ASPM: variants seen among roughly 807,000 people sequenced by gnomAD.
The protein encoded by ASPM is assembly factor for spindle microtubules.
A neutral mutation model predicts 366.4 loss-of-function variants in ASPM; 256 were observed. The ratio of observed to expected loss-of-function variants is 0.70; its 90% confidence interval spans 0.63 to 0.77. ASPM has a LOEUF of 0.77. Ranked by LOEUF, ASPM falls within the 30% of genes least tolerant of loss-of-function variation. The pLI is 0.00. For missense variants in ASPM, 4,146 were observed against 4,090.4 expected (o/e 1.01, Z -0.37); for synonymous variants, 1,414 against 1,342.9 (o/e 1.05, Z -1.16).
At chr1:197,085,648 C>T (rs1453447443) in intron 27 of ASPM, among the ~76,000 whole-genome samples, 2 of 152,020 alleles carry the variant, frequency 1.3e-5, no homozygotes, top group African/African-American at 4.8e-5. Context: ...AATCCAGTCA[C>T]AAAAAGCTAT....
Position 197,103,964 on chromosome 1 carries a change from T to G in ASPM, c.5287A>C (p.Arg1763=). The part of the protein sequence containing the change: ...KAVISLQSYF[R]MRKARQYYLK... ...TAATACTGCCGAGCCTTTCTCATTC[T>G]GAAATAAGACTGTAGTGAAATAACA... Residue 1763 remains arginine, a synonymous_variant, in exon 18 of 28, where the codon AGA becomes CGA. Coordinates refer to ENST00000367409, the MANE Select transcript of ASPM (RefSeq NM_018136.5). The G allele has an allele frequency of 6.2e-7, 1 of 1,612,468 alleles. No homozygotes were observed. The highest frequency in any genetic ancestry group is 1.3e-5 in the African/African-American group (1 of 74,928).
Position 197,132,319 on chromosome 1 carries a change from G to A in ASPM, c.2453C>T (p.Ser818Phe). Residue 818 changes from serine (S) to phenylalanine (F), a missense_variant, in exon 7 of 28, where the codon TCC becomes TTC. Physicochemically the swap from Ser to Phe is radical, Grantham distance 155 (BLOSUM62 -2). This residue lies in a region of ASPM where 3,624 missense variants were observed against 3,591.7 expected (regional missense o/e 1.01). Transcript: ENST00000367409. ...AATTCGAAGCCACAAAGGATTGTAGGACAACAGCCAATTCAGGACTTTCTG... is the reference window on the plus strand; with the variant it reads ...AATTCGAAGCCACAAAGGATTGTAGAACAACAGCCAATTCAGGACTTTCTG... ...ERQKVLNWLL[S>F]YNPLWLRIGL... 6.2e-7 allele frequency: 1 copy of A among 1,613,246 alleles called. No individual in the cohort carries two copies. The highest frequency in any genetic ancestry group is 8.5e-7 in the Non-Finnish European group (1 of 1,179,522).
Position 197,132,363 on chromosome 1 carries a change from T to G in ASPM, c.2420-11A>C. 6.2e-7 allele frequency: 1 copy of G among 1,611,972 alleles called. No individual in the cohort carries two copies. On this transcript the variant is annotated splice_polypyrimidine_tract_variant and intron_variant, in intron 6 of 27. Coordinates refer to ENST00000367409, the MANE Select transcript of ASPM (RefSeq NM_018136.5). Reference sequence around the variant, plus strand: ...CTTTCTGACGTTCTCCTGAAATGCATGTCAAAGGCAAATAAGTTCAAATTG... The same window carrying G: ...CTTTCTGACGTTCTCCTGAAATGCAGGTCAAAGGCAAATAAGTTCAAATTG...
At chr1:197,134,348 G>A (rs1186989643) in intron 5 of ASPM, among the ~76,000 whole-genome samples, 2 of 152,072 alleles carry the variant, frequency 1.3e-5, no homozygotes, top group Admixed American at 6.6e-5. Flanking sequence ...GGAAGTGGAG[G>A]CTGCAGTGAC....
chr1:197,134,704 C>A (rs1658365490), intron 5 of ASPM, among the ~76,000 whole-genome samples: 1 of 152,120 alleles, frequency 6.6e-6, no homozygotes. Context: ...TTCTCTTTTC[C>A]AGAACAAACA....
chr1:197,135,015 TA>T, intron 5 of ASPM, 80 bp downstream of exon 5: 2 of 1,001,224 alleles, frequency 2.0e-6, no homozygotes, highest in South Asian at 3.0e-5. Flanking sequence ...TAACTATGTA[TA>T]ATTAAAGAAT....
chr1:197,129,563 G>A (rs1475682364), intron 8 of ASPM, among the ~76,000 whole-genome samples: 1 of 152,108 alleles, frequency 6.6e-6, no homozygotes, highest in East Asian at 1.9e-4. Flanking sequence ...AACAGGCACA[G>A]AGGCATCAAG....
rs1168014338 is a variant in ASPM at position 197,128,601 on chromosome 1, C to CG, written c.2824dup (p.Arg942ProfsTer11). 6.2e-7 allele frequency: 1 copy of CG among 1,613,396 alleles called. No homozygotes were observed. Among genetic ancestry groups the CG allele is most frequent in the African/African-American group, 1.3e-5 (1 of 74,808 alleles). On this transcript the variant is annotated frameshift_variant, in exon 10 of 28. Coordinates refer to ENST00000367409, the MANE Select transcript of ASPM (RefSeq NM_018136.5). LOFTEE classifies it high-confidence loss of function. ...AGGTAATCCCAATAAGCCAAGGTGA[C>CG]GGGAAAGGTCACCTTCACCACTTAG...
chr1:197,101,180 C>T lies in ASPM; in HGVS notation c.8071G>A (p.Ala2691Thr). The T allele has an allele frequency of 6.2e-7, 1 of 1,612,362 alleles. No homozygotes were observed. The highest frequency in any genetic ancestry group is 8.5e-7 in the Non-Finnish European group (1 of 1,179,088). ...VRKDIQNMHR[A>T]ATLIQSFYRM... ...TAGAATGACTGAATTAGTGTGGCAG[C>T]CCGGTGCATATTTTGAATATCCTTT... Residue 2691 changes from alanine to threonine, a missense_variant, in exon 18 of 28, where the codon GCT becomes ACT. Around this residue, in one of 3 missense-constraint regions of ASPM, gnomAD observed 3,624 missense variants for 3,591.7 expected, o/e 1.01. Coordinates refer to ENST00000367409, the MANE Select transcript of ASPM (RefSeq NM_018136.5).
chr1:197,135,458 A>G (rs1045195936), intron 4 of ASPM, among the ~76,000 whole-genome samples: 6 of 152,178 alleles, frequency 3.9e-5, no homozygotes, highest in African/African-American at 1.4e-4. Flanking sequence ...GTTATTTAAC[A>G]CTAAACCACC....
intron 5 of ASPM, among the ~76,000 whole-genome samples, chr1:197,133,873 T>C (rs1195750031): frequency 3.3e-5 from 5 of 152,166 alleles, no homozygotes; most frequent in African/African-American, 1.2e-4. Context: ...GGTTTATCTG[T>C]TCCCATCCTT....
chr1:197,094,243 G>A, intron 19 of ASPM, 63 bp from the exon 20 acceptor site: 1 of 948,036 alleles, frequency 1.1e-6, no homozygotes, highest in African/African-American at 1.6e-5. Flanking sequence ...AGTATTTATT[G>A]CCTCCCCCCC....
intron 22 of ASPM, 27 bp downstream of exon 22, chr1:197,091,880 T>C (rs769049920): frequency 1.9e-6 from 3 of 1,603,834 alleles, no homozygotes; most frequent in South Asian, 1.1e-5. Context: ...TTATATCATA[T>C]AGTTTTACTG....
At chr1:197,084,684 C>T (rs1289596936) in intron 27 of ASPM, among the ~76,000 whole-genome samples, 1 of 152,132 alleles carries the variant, frequency 6.6e-6, no homozygotes, top group African/African-American at 2.4e-5. Flanking sequence ...TGGTCATCAG[C>T]CAAACTCTCA....
At chr1:197,114,304 T>C (rs1015170429) in intron 17 of ASPM, among the ~76,000 whole-genome samples, 9 of 152,182 alleles carry the variant, frequency 5.9e-5, no homozygotes, top group African/African-American at 1.7e-4. Context: ...TTTTTGCTAG[T>C]GGAGGGTCTT....
At chr1:197,092,492 C>T (rs986244369) in intron 21 of ASPM, among the ~76,000 whole-genome samples, 1 of 151,952 alleles carries the variant, frequency 6.6e-6, no homozygotes, top group Non-Finnish European at 1.5e-5. Flanking sequence ...GCAGAAGGAG[C>T]TTTCTACAGT....
Position 197,100,726 on chromosome 1 carries a change from C to G in ASPM, c.8525G>C (p.Arg2842Pro). ...KLETQKCAAL[R>P]IQFFLQMAVY... ...AGCCATCTGAAGGAAGAACTGAATCCGTAGGGCAGCACATTTCTGTGTTTC... is the reference window on the plus strand; with the variant it reads ...AGCCATCTGAAGGAAGAACTGAATCGGTAGGGCAGCACATTTCTGTGTTTC... Residue 2842 changes from arginine to proline, a missense_variant, in exon 18 of 28, where the codon CGG (arginine) becomes CCG (proline). Transcript: ENST00000367409. 6.2e-7 allele frequency: 1 copy of G among 1,612,400 alleles called. No individual in the cohort carries two copies.
At position 197,122,387 on chromosome 1, in the gene ASPM, C is replaced by A; in HGVS notation, c.3598+1G>T. On this transcript the variant is annotated splice_donor_variant, in intron 14 of 27. Coordinates refer to ENST00000367409, the MANE Select transcript of ASPM (RefSeq NM_018136.5). LOFTEE classifies it high-confidence loss of function. The stretch of plus-strand genomic sequence containing the variant: ...TGGAAAAGTAACCAAAAGGGACTAA[C>A]CATGATCAAATGCTTTAAGAGACAT... 2 of 1,613,614 alleles carry A rather than the reference C, an allele frequency of 1.2e-6. No individual in the cohort carries two copies. Among genetic ancestry groups the A allele is most frequent in the Non-Finnish European group, 1.7e-6 (2 of 1,179,630 alleles).
chr1:197,133,232 C>A (rs959833981), intron 6 of ASPM, 118 bp downstream of exon 6: 17 of 1,080,158 alleles, frequency 1.6e-5, no homozygotes, highest in Non-Finnish European at 2.2e-5. Context: ...TGTTGTATAC[C>A]TTAAATATAT....
Sources: allele counts gnomAD v4.1 joint callset (sites outside exome capture counted in the v4.1 genomes callset), GRCh38; gene constraint gnomAD v4.1.1; regional missense constraint gnomAD v4.1.1; transcripts MANE v1.5; gene names NCBI Gene and HGNC (gene_info 2026-07-23, HGNC 2026-07-21).